Variants in PHF20 observed in about 807,000 individuals in gnomAD.
PHF20 encodes PHD finger protein 20, also known as glioma-expressed antigen 2.
In PHF20, 23 loss-of-function variants were observed where a neutral mutation model predicts 113.5. That is an observed-to-expected ratio of 0.20 (90% CI 0.15 to 0.29). The LOEUF is 0.29. PHF20 is among the 10% of genes least tolerant of loss of function. The probability of loss-of-function intolerance (pLI) is 1.00; values close to 1 mark genes in which losing one functional copy is unlikely to be tolerated. For missense variants in PHF20, 943 were observed against 1,219.6 expected, an observed-to-expected ratio of 0.77 and a Z score of 3.38; for synonymous variants, 434 against 457.3, an observed-to-expected ratio of 0.95 and a Z score of 0.65.
At chr20:35,834,376 C>T (rs1214679485) in intron 2 of PHF20, among the ~76,000 whole-genome samples, 1 of 151,310 alleles carries the variant, frequency 6.6e-6, no homozygotes, top group African/African-American at 2.4e-5. Flanking sequence ...CTCAGCCTCT[C>T]GAGTAGCTGG....
At chr20:35,940,067 C>T (rs1265324484) in intron 16 of PHF20, among the ~76,000 whole-genome samples, 1 of 152,186 alleles carries the variant, frequency 6.6e-6, no homozygotes, top group Non-Finnish European at 1.5e-5. Flanking sequence ...AGAATGGGGC[C>T]AGTGAAGCCC....
At chr20:35,926,747 T>G (rs2055647081) in intron 13 of PHF20, among the ~76,000 whole-genome samples, 1 of 152,138 alleles carries the variant, frequency 6.6e-6, no homozygotes, top group South Asian at 2.1e-4. Context: ...GAAGCCCTCT[T>G]GATGCCAGGA....
intron 9 of PHF20, among the ~76,000 whole-genome samples, chr20:35,896,225 C>A (rs894233644): frequency 6.6e-6 from 1 of 151,614 alleles, no homozygotes; most frequent in Admixed American, 6.6e-5. Flanking sequence ...TTTAAAATTA[C>A]CTCTGATTAT....
chr20:35,858,701 G>T (rs1264432548), intron 5 of PHF20, among the ~76,000 whole-genome samples: 2 of 152,174 alleles, frequency 1.3e-5, no homozygotes, highest in Non-Finnish European at 2.9e-5. Flanking sequence ...CTCCTGAGTT[G>T]CTGGGATTAT....
At position 35,863,141 on chromosome 20, in the gene PHF20, A is replaced by G. The variant is rs34527237; in HGVS notation, c.549A>G (p.Lys183=). The G allele has an allele frequency of 2.8e-4, 445 of 1,613,710 alleles. 2 individuals are homozygous for G. Among genetic ancestry groups the G allele is most frequent in the Non-Finnish European group, 5.1e-5 (60 of 1,179,976 alleles). The change falls in exon 6 of 18, where the codon AAA becomes AAG. Residue 183 remains lysine (K), a synonymous_variant. Transcript: ENST00000374012. The part of the protein sequence containing the change: ...TVNVKKDKED[K]PLKTEKRPKQ... ...ATGTGAAGAAAGACAAAGAAGATAA[A>G]CCCTTAAAGACAGAAAAGCGACCCA...
At chr20:35,916,479 T>G (rs1319247400) in intron 12 of PHF20, among the ~76,000 whole-genome samples, 2 of 149,102 alleles carry the variant, frequency 1.3e-5, no homozygotes, top group Non-Finnish European at 3.0e-5. Flanking sequence ...TTTTGATTTT[T>G]GTTTTTGAGA....
Position 35,863,243 on chromosome 20 carries a change from G to A in PHF20, c.651G>A (p.Glu217=), listed in dbSNP as rs758712896. 1 of 1,614,164 alleles carries A rather than the reference G, an allele frequency of 6.2e-7. No individual in the cohort carries two copies. The highest frequency in any genetic ancestry group is 8.5e-7 in the Non-Finnish European group (1 of 1,180,024). ...CAGAGAAAAGTCTTCCCAAGAACGA[G>A]AAGGAAGACAAGGAAAACATTTCCG... The part of the protein sequence containing the change: ...KVSEKSLPKN[E]KEDKENISEN... The change falls in exon 6 of 18, where the codon GAG becomes GAA. Residue 217 remains glutamate, a synonymous_variant. Transcript: ENST00000374012.
intron 2 of PHF20, among the ~76,000 whole-genome samples, chr20:35,822,430 AAAAAAG>A (rs1241087051): frequency 6.6e-6 from 1 of 151,842 alleles, no homozygotes; most frequent in Non-Finnish European, 1.5e-5. Flanking sequence ...GTTTCAAAAA[AAAAAAG>A]AAAAAAAGTA....
chr20:35,811,051 T>A (rs1569131145), intron 2 of PHF20, among the ~76,000 whole-genome samples: 5 of 152,122 alleles, frequency 3.3e-5, no homozygotes, highest in Non-Finnish European at 5.9e-5. Context: ...ACTTTTTTTT[T>A]ATTTTCATTT....
intron 5 of PHF20, 41 bp downstream of exon 5, chr20:35,858,422 T>C: frequency 1.9e-6 from 2 of 1,068,980 alleles, no homozygotes; most frequent in Non-Finnish European, 2.8e-6. Flanking sequence ...TGAATAATGC[T>C]AACATTGTAG....
At chr20:35,792,419 A>T (rs977561061) in intron 1 of PHF20, among the ~76,000 whole-genome samples, 6 of 151,328 alleles carry the variant, frequency 4.0e-5, no homozygotes, top group Middle Eastern at 3.4e-3. Context: ...AAACTACTGA[A>T]CTCTGGTGAT....
At chr20:35,780,571 G>T (rs557760586) in intron 1 of PHF20, among the ~76,000 whole-genome samples, 152 of 134,218 alleles carry the variant, frequency 1.1e-3, no homozygotes, top group African/African-American at 4.2e-3. Context: ...TTTTGAGACA[G>T]AGTCTGACTC....
At chr20:35,830,040 A>G (rs2042331761) in intron 2 of PHF20, among the ~76,000 whole-genome samples, 1 of 152,062 alleles carries the variant, frequency 6.6e-6, no homozygotes, top group Non-Finnish European at 1.5e-5. Context: ...CAGCCTCCCA[A>G]GTAGCTGGGG....
At chr20:35,929,187 A>G (rs1262798831) in intron 14 of PHF20, among the ~76,000 whole-genome samples, 1 of 152,224 alleles carries the variant, frequency 6.6e-6, no homozygotes, top group African/African-American at 2.4e-5. Flanking sequence ...CCTTGAGGAT[A>G]CAGTTGACTT....
intron 9 of PHF20, among the ~76,000 whole-genome samples, chr20:35,876,051 G>C (rs1010596902): frequency 2.0e-5 from 3 of 152,176 alleles, no homozygotes; most frequent in Non-Finnish European, 2.9e-5. Flanking sequence ...ATTTCATGTC[G>C]TCGTCTGCAT....
In PHF20 at chr20:35,785,912, A is replaced by AT. The variant is rs1418627200; in HGVS notation, c.-33+13834dup. 3.1e-4 allele frequency among the ~76,000 whole-genome samples: 47 copies of AT among 151,544 alleles called. 1 individual carries two copies. Among genetic ancestry groups the AT allele is most frequent in the Admixed American group, 6.6e-5 (1 of 15,158 alleles). ...CTGGGCATGGTTGCAGGTGCCTGTC[A>AT]TCTCAGCTACTTGGGAGGCTGAGGC... On this transcript the variant is annotated intron_variant, in intron 1 of 17. Transcript: ENST00000374012.
chr20:35,836,108 A>C (rs1034396365), intron 2 of PHF20, among the ~76,000 whole-genome samples: 3 of 152,154 alleles, frequency 2.0e-5, no homozygotes, highest in Non-Finnish European at 2.9e-5. Context: ...TCTTTGGCTC[A>C]AGTGATCTTC....
intron 5 of PHF20, among the ~76,000 whole-genome samples, chr20:35,862,209 C>CT (rs1405948248): frequency 6.6e-6 from 1 of 152,170 alleles, no homozygotes; most frequent in Non-Finnish European, 1.5e-5. Context: ...ACAGCCTTTA[C>CT]CTGATAGAGA....
intron 2 of PHF20, among the ~76,000 whole-genome samples, chr20:35,830,497 A>G (rs886764020): frequency 6.6e-6 from 1 of 152,176 alleles, no homozygotes; most frequent in Non-Finnish European, 1.5e-5. Context: ...TTATCTATTC[A>G]TGTATTAGAC....
Sources: gnomAD v4.1 joint callset for allele counts (sites outside exome capture counted in the v4.1 genomes callset) on GRCh38, gnomAD v4.1.1 for gene constraint, MANE v1.5 for transcripts, NCBI Gene and HGNC (gene_info 2026-07-23, HGNC 2026-07-21) for gene names.